RTN4RL1: variants seen among roughly 807,000 people sequenced by gnomAD.
RTN4RL1 encodes reticulon-4 receptor-like 1.
Under a neutral mutation model 25.6 loss-of-function variants are expected in RTN4RL1, and 7 were observed. The ratio of observed to expected loss-of-function variants is 0.27; its 90% CI spans 0.16 to 0.51. The LOEUF (loss-of-function observed/expected upper bound fraction) is 0.51. Ranked by LOEUF, RTN4RL1 falls within the 20% of genes least tolerant of loss-of-function variation. The pLI, the probability that RTN4RL1 is intolerant of heterozygous loss-of-function variation, is 0.97. For missense variants in RTN4RL1, 500 were observed against 615.6 expected (o/e 0.81, Z 1.99); for synonymous variants, 297 against 288.2 (o/e 1.03, Z -0.31).
In RTN4RL1 at chr17:1,958,038, A is replaced by T. The variant is rs1461434379; in HGVS notation, c.14-20230T>A. On this transcript the variant is annotated intron_variant, in intron 1 of 1. Transcript: ENST00000331238. ...AAAAACTAAAAAAATAAAAAATAAA[A>T]AAAAATTAGCCCGGCATGTCAGGGC... Among the ~76,000 whole-genome samples, 5 of 151,476 alleles carry T rather than the reference A, an allele frequency of 3.3e-5. No homozygotes were observed. In the South Asian group the frequency reaches 8.4e-4, roughly 25 times the overall value.
At position 2,025,114 on chromosome 17, in the gene RTN4RL1, G is replaced by A. The variant is rs1597266279; in HGVS notation, c.-249C>T. ...GCCCCGCGCGCTTGCTCAGCCCCGG[G>A]GCGAGCGGCTTGCTCCGCGGAGCCG... On this transcript the variant is annotated 5_prime_UTR_variant, in exon 1 of 2. Transcript: ENST00000331238. This position sits in a 1 kb window ranked among gnomAD's most constrained non-coding sequence, Gnocchi z 4.8. 2 of 350,236 alleles carry A rather than the reference G, an allele frequency of 5.7e-6. No homozygotes were observed. Among genetic ancestry groups the A allele is most frequent in the Admixed American group, 4.8e-5 (1 of 20,888 alleles). The allele number at this position is 350,236 out of a possible 1,614,324, so 21.7% of individuals were successfully genotyped here.
At chr17:1,973,685 C>T (rs957810433) in intron 1 of RTN4RL1, among the ~76,000 whole-genome samples, 2 of 152,094 alleles carry the variant, frequency 1.3e-5, no homozygotes, top group African/African-American at 4.8e-5. Flanking sequence ...AGGCCTGGCC[C>T]CAGCCCCGCA....
At chr17:1,992,052 G>A (rs1459270802) in intron 1 of RTN4RL1, among the ~76,000 whole-genome samples, 1 of 149,180 alleles carries the variant, frequency 6.7e-6, no homozygotes. Context: ...TAGGAGCAAG[G>A]GTTGGACTGC....
intron 1 of RTN4RL1, among the ~76,000 whole-genome samples, chr17:1,957,311 C>G (rs1406229020): frequency 6.6e-6 from 1 of 152,158 alleles, no homozygotes; most frequent in East Asian, 1.9e-4. Flanking sequence ...ACCCTTTCCT[C>G]TGTTTGCCTT....
chr17:1,995,444 A>AAAAAAT (rs2066925285), intron 1 of RTN4RL1, among the ~76,000 whole-genome samples: 1 of 151,538 alleles, frequency 6.6e-6, no homozygotes, highest in African/African-American at 2.4e-5. Context: ...AAAAAAAAAA[A>AAAAAAT]AAGATAGGCA....
At chr17:2,014,316 A>G (rs4239070) in intron 1 of RTN4RL1, among the ~76,000 whole-genome samples, 53,689 of 151,844 alleles carry the variant, frequency 0.35, 9,801 homozygotes, top group East Asian at 0.55. Flanking sequence ...GACAGATCAC[A>G]TAAAAGTATT....
intron 1 of RTN4RL1, among the ~76,000 whole-genome samples, chr17:1,987,181 G>A (rs1459591428): frequency 6.6e-6 from 1 of 152,110 alleles, no homozygotes; most frequent in African/African-American, 2.4e-5. Flanking sequence ...TCCTTTGGGA[G>A]AGCCGGTCCC....
rs1285903874 is a variant in RTN4RL1, at chr17:1,936,948, C to T, written c.874G>A (p.Asp292Asn). The change falls in exon 2 of 2, where the codon GAC becomes AAC. Residue 292 changes from aspartate (D) to asparagine (N), a missense_variant. Physicochemically the swap from Asp to Asn is conservative, Grantham distance 23 (BLOSUM62 1). Transcript: ENST00000331238. ...TCCTCGGCCCTCAGCAGCTTCAGGT[C>T]CTGGCCGTGCCGCAGCCCAGGGGAC... The part of the protein sequence containing the change: ...CVSPGLRHGQ[D>N]LKLLRAEDFR... 1.2e-6 allele frequency: 2 copies of T among 1,609,022 alleles called. No individual in the cohort carries two copies. Among genetic ancestry groups the T allele is most frequent in the South Asian group, 1.1e-5 (1 of 90,578 alleles).
intron 1 of RTN4RL1, among the ~76,000 whole-genome samples, chr17:1,977,304 C>T (rs1312152997): frequency 6.6e-6 from 1 of 152,160 alleles, no homozygotes; most frequent in Non-Finnish European, 1.5e-5. Flanking sequence ...GGCCCGAGAG[C>T]GCCCCGCACC....
intron 1 of RTN4RL1, among the ~76,000 whole-genome samples, chr17:1,993,402 T>C (rs1000146293): frequency 3.9e-5 from 6 of 152,216 alleles, no homozygotes; most frequent in Non-Finnish European, 5.9e-5. Flanking sequence ...CTTCTAAGCA[T>C]GTGTCCTGGG....
At chr17:1,984,592 A>G (rs2066880193) in intron 1 of RTN4RL1, among the ~76,000 whole-genome samples, 1 of 152,200 alleles carries the variant, frequency 6.6e-6, no homozygotes, top group South Asian at 2.1e-4. Context: ...ATGTTCTCAA[A>G]CTTCCTCCCA....
chr17:1,971,302 G>A (rs547828777), intron 1 of RTN4RL1, among the ~76,000 whole-genome samples: 22 of 152,240 alleles, frequency 1.4e-4, no homozygotes, highest in African/African-American at 4.8e-4. Flanking sequence ...TTCCCCTTCC[G>A]CCATGATTGT....
intron 1 of RTN4RL1, 128 bp downstream of exon 1, chr17:2,024,725 C>T: frequency 1.1e-6 from 1 of 916,998 alleles, no homozygotes; most frequent in Non-Finnish European, 1.6e-6. Context: ...CGGGTGCGCC[C>T]GGCAAAACCC....
intron 1 of RTN4RL1, among the ~76,000 whole-genome samples, chr17:1,969,353 G>A (rs7224552): frequency 0.39 from 58,919 of 151,790 alleles, 11,819 homozygotes; most frequent in Admixed American, 0.54. Flanking sequence ...CACCATGCCC[G>A]GCCCGGACCA....
chr17:1,971,765 A>G (rs558086196), intron 1 of RTN4RL1, among the ~76,000 whole-genome samples: 21 of 152,096 alleles, frequency 1.4e-4, no homozygotes, highest in Non-Finnish European at 2.1e-4. Flanking sequence ...GATCGAGACC[A>G]TCCTAGCTAA....
intron 1 of RTN4RL1, among the ~76,000 whole-genome samples, chr17:2,014,206 C>T (rs1197121679): frequency 1.3e-5 from 2 of 152,184 alleles, no homozygotes; most frequent in African/African-American, 4.8e-5. Flanking sequence ...TGAACTTGGA[C>T]AGGCCAACCC....
At chr17:1,989,228 G>T (rs916817944) in intron 1 of RTN4RL1, among the ~76,000 whole-genome samples, 5 of 152,172 alleles carry the variant, frequency 3.3e-5, no homozygotes, top group Admixed American at 3.3e-4. Context: ...GGACTCAACT[G>T]ATGGAAGATG....
intron 1 of RTN4RL1, among the ~76,000 whole-genome samples, chr17:2,021,798 T>G (rs1286361761): frequency 1.4e-5 from 2 of 146,862 alleles, no homozygotes; most frequent in African/African-American, 2.5e-5. Context: ...CCGGTGATCC[T>G]CCCAACTCGG....
chr17:1,983,057 T>C (rs967075674), intron 1 of RTN4RL1, among the ~76,000 whole-genome samples: 18 of 151,802 alleles, frequency 1.2e-4, no homozygotes, highest in African/African-American at 4.3e-4. Context: ...TCTTCTTTTT[T>C]TTTTTTTTCC....
Sources: allele counts gnomAD v4.1 joint callset (sites outside exome capture counted in the v4.1 genomes callset), GRCh38; gene constraint gnomAD v4.1.1; non-coding constraint Gnocchi (gnomAD v3.1); transcripts MANE v1.5; gene names NCBI Gene and HGNC (gene_info 2026-07-23, HGNC 2026-07-21).